Variants in CDH18 observed in about 807,000 individuals in gnomAD.
The protein encoded by CDH18 is cadherin 18, also known as cadherin-18.
A neutral mutation model predicts 67.9 loss-of-function variants in CDH18; 31 were observed. The ratio of observed to expected loss-of-function variants is 0.46; its 90% CI spans 0.34 to 0.62. The LOEUF is 0.62. Ranked by LOEUF, CDH18 falls within the 20% of genes least tolerant of loss-of-function variation. The pLI is 0.01. For missense variants in CDH18, 890 were observed against 975.5 expected, an observed-to-expected ratio of 0.91 and a Z score of 1.17; for synonymous variants, 362 against 347.2, an observed-to-expected ratio of 1.04 and a Z score of -0.48.
At chr5:19,903,541 G>GTATATATATATATATATATATATATATA (rs112818883) in intron 2 of CDH18, among the ~76,000 whole-genome samples, 67 of 124,740 alleles carry the variant, frequency 5.4e-4, no homozygotes, top group Non-Finnish European at 8.4e-4. Flanking sequence ...GTGTGTGTGT[G>GTATATATATATATATATATATATATATA]TATATATATA....
At chr5:20,021,034 G>A (rs897520544) in intron 2 of CDH18, among the ~76,000 whole-genome samples, 7 of 152,128 alleles carry the variant, frequency 4.6e-5, no homozygotes, top group African/African-American at 1.7e-4. Flanking sequence ...TTATCTCGGT[G>A]TTGCCTGGAT....
At chr5:20,404,816 C>A (rs1006610057) in intron 1 of CDH18, among the ~76,000 whole-genome samples, 2 of 152,028 alleles carry the variant, frequency 1.3e-5, no homozygotes, top group Non-Finnish European at 2.9e-5. Flanking sequence ...TTGCTATAAA[C>A]CTTACATTTG....
chr5:19,805,292 T>G (rs1777922119), intron 3 of CDH18, among the ~76,000 whole-genome samples: 1 of 152,164 alleles, frequency 6.6e-6, no homozygotes, highest in Non-Finnish European at 1.5e-5. Flanking sequence ...GCATCAGATT[T>G]TGTTATCCAC....
chr5:19,980,396 TG>T (rs142591238), intron 2 of CDH18, among the ~76,000 whole-genome samples: 2,166 of 152,218 alleles, frequency 0.014, 68 homozygotes, highest in African/African-American at 0.049. Flanking sequence ...ATTTTTAAGA[TG>T]TTTTTTTAAT....
At chr5:20,562,279 G>A (rs554319803) in intron 1 of CDH18, among the ~76,000 whole-genome samples, 1 of 151,728 alleles carries the variant, frequency 6.6e-6, no homozygotes, top group Non-Finnish European at 1.5e-5. Context: ...AGTTGCTTGG[G>A]GACAAGGAGA....
At chr5:19,748,750 AT>A (rs1207924756) in intron 3 of CDH18, among the ~76,000 whole-genome samples, 3 of 152,154 alleles carry the variant, frequency 2.0e-5, no homozygotes, top group Non-Finnish European at 2.9e-5. Flanking sequence ...AAAACACAAA[AT>A]ACAGAAAAAG....
intron 2 of CDH18, among the ~76,000 whole-genome samples, chr5:20,149,864 GAGA>G (rs1223748697): frequency 6.6e-6 from 1 of 151,986 alleles, no homozygotes; most frequent in East Asian, 1.9e-4. Context: ...AAGAAAAATA[GAGA>G]AGATCACTAG....
chr5:19,525,624 T>C (rs1281096515), intron 9 of CDH18, among the ~76,000 whole-genome samples: 2 of 152,232 alleles, frequency 1.3e-5, no homozygotes, highest in East Asian at 1.9e-4. Flanking sequence ...TATAAAAATG[T>C]GGCTGTGATT....
At chr5:20,398,386 T>C (rs1745458112) in intron 1 of CDH18, among the ~76,000 whole-genome samples, 1 of 152,188 alleles carries the variant, frequency 6.6e-6, no homozygotes, top group Non-Finnish European at 1.5e-5. Context: ...TATTGATATA[T>C]TTTTCAGTGA....
At chr5:19,890,619 A>C (rs560662253) in intron 2 of CDH18, among the ~76,000 whole-genome samples, 1 of 150,372 alleles carries the variant, frequency 6.7e-6, no homozygotes, top group African/African-American at 2.5e-5. Flanking sequence ...TTTTGAGACA[A>C]AGTCTTGCTC....
chr5:19,984,761 T>C (rs1799393010), intron 1 of CDH18, among the ~76,000 whole-genome samples: 1 of 152,222 alleles, frequency 6.6e-6, no homozygotes, highest in African/African-American at 2.4e-5. Flanking sequence ...GCATGATGCG[T>C]TAATCCATGT....
chr5:19,535,643 G>A (rs1749295894), intron 9 of CDH18, among the ~76,000 whole-genome samples: 2 of 152,102 alleles, frequency 1.3e-5, no homozygotes, highest in Admixed American at 1.3e-4. Flanking sequence ...ATGTTTGCAT[G>A]AGAGTCGAGA....
chr5:20,497,009 A>T (rs1753950072), intron 1 of CDH18, among the ~76,000 whole-genome samples: 1 of 152,038 alleles, frequency 6.6e-6, no homozygotes. Flanking sequence ...AGAGAAGGTG[A>T]TGTTTGAACA....
chr5:20,119,162 G>A (rs1748156413), intron 2 of CDH18, among the ~76,000 whole-genome samples: 1 of 151,994 alleles, frequency 6.6e-6, no homozygotes, highest in African/African-American at 2.4e-5. Context: ...CTTAAATATT[G>A]GGTTGTATTG....
intron 2 of CDH18, among the ~76,000 whole-genome samples, chr5:20,085,326 G>A (rs1038971305): frequency 2.0e-5 from 3 of 152,032 alleles, no homozygotes; most frequent in Non-Finnish European, 2.9e-5. Context: ...CTCCATCTGA[G>A]ACCACCTCAG....
At chr5:20,446,684 C>T (rs1750026889) in intron 1 of CDH18, among the ~76,000 whole-genome samples, 1 of 152,168 alleles carries the variant, frequency 6.6e-6, no homozygotes, top group African/African-American at 2.4e-5. Flanking sequence ...CCTAACGATG[C>T]ATTTTGTAAT....
chr5:20,388,312 A>G (rs911694162), intron 1 of CDH18, among the ~76,000 whole-genome samples: 4 of 152,170 alleles, frequency 2.6e-5, no homozygotes, highest in African/African-American at 7.2e-5. Flanking sequence ...GTATGTGTTG[A>G]GGAATTTATC....
intron 2 of CDH18, among the ~76,000 whole-genome samples, chr5:20,018,609 A>G (rs1738101979): frequency 6.6e-6 from 1 of 152,192 alleles, no homozygotes. Flanking sequence ...TGACTGCATG[A>G]CTTTTATAGA....
intron 5 of CDH18, among the ~76,000 whole-genome samples, chr5:19,706,368 G>T (rs62351334): frequency 6.6e-6 from 1 of 152,268 alleles, no homozygotes; most frequent in Middle Eastern, 3.4e-3. Flanking sequence ...CCATGTTAAT[G>T]CCTCTGGTCT....
Sources: allele counts gnomAD v4.1 joint callset (sites outside exome capture counted in the v4.1 genomes callset), GRCh38; gene constraint gnomAD v4.1.1; transcripts MANE v1.5; gene names NCBI Gene and HGNC (gene_info 2026-07-23, HGNC 2026-07-21).